ATF7IP: variants seen among roughly 807,000 people sequenced by gnomAD.
ATF7IP encodes the protein activating transcription factor 7 interacting protein, also known as activating transcription factor 7-interacting protein 1.
ATF7IP carries 23 observed loss-of-function variants against 106.4 expected under a neutral mutation model. The observed-to-expected ratio is 0.22, with a 90% confidence interval of 0.16 to 0.31. ATF7IP has a LOEUF of 0.31. Ranked by LOEUF, ATF7IP falls within the 10% of genes least tolerant of loss-of-function variation. The probability of loss-of-function intolerance (pLI) is 1.00; values close to 1 mark genes in which losing one functional copy is unlikely to be tolerated. For missense variants in ATF7IP, 1,334 were observed against 1,524.3 expected, an observed-to-expected ratio of 0.88 and a Z score of 2.08; for synonymous variants, 542 against 539.0, an observed-to-expected ratio of 1.01 and a Z score of -0.08.
chr12:14,416,049 T>A (rs921773712), intron 1 of ATF7IP, among the ~76,000 whole-genome samples: 1 of 152,142 alleles, frequency 6.6e-6, no homozygotes, highest in Non-Finnish European at 1.5e-5. Flanking sequence ...ACAGATTCAG[T>A]AGTCTATTTA....
rs149615634 is a variant in ATF7IP at position 14,497,823 on chromosome 12, G to A, written c.3563G>A (p.Arg1188Gln). The A allele has an allele frequency of 4.5e-5, 72 of 1,613,982 alleles. No homozygotes were observed. Among genetic ancestry groups the A allele is most frequent in the Non-Finnish European group, 5.5e-5 (65 of 1,180,024 alleles). ...VLSWSVLEVDRSCATVDSYHL... is the reference protein window; with the variant it reads ...VLSWSVLEVDQSCATVDSYHL... ...TCATGGAGTGTCCTGGAGGTGGATC[G>A]AAGCTGTGCCACTGTTGATAGCTAC... Residue 1188 changes from arginine to glutamine, a missense_variant, in exon 15 of 15, where the codon CGA (arginine) becomes CAA (glutamine). Arg to Gln is a conservative substitution (Grantham distance 43). Coordinates refer to ENST00000261168, the MANE Select transcript of ATF7IP (RefSeq NM_018179.5).
At chr12:14,475,198 A>G (rs1435365179) in intron 10 of ATF7IP, among the ~76,000 whole-genome samples, 6 of 152,202 alleles carry the variant, frequency 3.9e-5, no homozygotes, top group Non-Finnish European at 1.5e-5. Context: ...TCCTCACAAT[A>G]GCCTCAATAT....
intron 13 of ATF7IP, among the ~76,000 whole-genome samples, chr12:14,482,826 AAG>A (rs1944472560): frequency 6.6e-6 from 1 of 152,194 alleles, no homozygotes; most frequent in African/African-American, 2.4e-5. Flanking sequence ...TCTTCAAATA[AAG>A]AGAGTAATAA....
intron 13 of ATF7IP, among the ~76,000 whole-genome samples, chr12:14,486,483 T>C (rs571756389): frequency 1.7e-4 from 26 of 152,302 alleles, no homozygotes; most frequent in African/African-American, 5.8e-4. Context: ...GGGTTCTTGG[T>C]CTGTAAACTG....
At chr12:14,456,323 T>TTA (rs1943422440) in intron 6 of ATF7IP, among the ~76,000 whole-genome samples, 2 of 152,230 alleles carry the variant, frequency 1.3e-5, no homozygotes, top group Non-Finnish European at 2.9e-5. Context: ...GCAGGAATTA[T>TTA]TATATTAATC....
intron 1 of ATF7IP, chr12:14,367,240 A>G (rs1938344120): frequency 6.6e-6 from 1 of 152,156 alleles, no homozygotes; most frequent in South Asian, 2.1e-4. Context: ...AATTTAGGGA[A>G]ATTTTTATTG....
At chr12:14,427,999 C>A (rs1437272273) in intron 2 of ATF7IP, among the ~76,000 whole-genome samples, 1 of 152,024 alleles carries the variant, frequency 6.6e-6, no homozygotes. Flanking sequence ...TAAAGAACTT[C>A]AAGCAGAGAG....
chr12:14,425,521 A>G (rs745894387), intron 2 of ATF7IP, 48 bp downstream of exon 2: 7 of 1,467,030 alleles, frequency 4.8e-6, no homozygotes, highest in African/African-American at 1.4e-5. Context: ...ACTTTGATGA[A>G]CTGTTTAATA....
chr12:14,446,580 T>C (rs777609975), intron 5 of ATF7IP, among the ~76,000 whole-genome samples: 1 of 152,234 alleles, frequency 6.6e-6, no homozygotes, highest in African/African-American at 2.4e-5. Context: ...CATCCATATG[T>C]AGTATTGGCA....
intron 1 of ATF7IP, among the ~76,000 whole-genome samples, chr12:14,403,627 A>G (rs928640603): frequency 4.6e-5 from 7 of 152,240 alleles, no homozygotes; most frequent in African/African-American, 1.7e-4. Flanking sequence ...AAAATTTAGA[A>G]GAGAAATATG....
intron 1 of ATF7IP, among the ~76,000 whole-genome samples, chr12:14,423,576 T>C (rs1325102037): frequency 1.5e-4 from 20 of 133,284 alleles, no homozygotes; most frequent in African/African-American, 5.7e-4. Flanking sequence ...TTCAGGTACT[T>C]TTTTTTTTTT....
intron 1 of ATF7IP, among the ~76,000 whole-genome samples, chr12:14,397,163 T>TA (rs1241717757): frequency 2.0e-5 from 3 of 151,758 alleles, no homozygotes; most frequent in Non-Finnish European, 2.9e-5. Context: ...ACTCCGTCTC[T>TA]AAAAAAGAAA....
intron 11 of ATF7IP, among the ~76,000 whole-genome samples, chr12:14,476,805 C>T (rs555314092): frequency 1.9e-4 from 29 of 152,138 alleles, no homozygotes; most frequent in East Asian, 1.7e-3. Flanking sequence ...TTTCTAAAAA[C>T]GTTCACATCC....
chr12:14,459,819 A>G (rs534399564), intron 8 of ATF7IP, among the ~76,000 whole-genome samples: 28 of 152,356 alleles, frequency 1.8e-4, no homozygotes, highest in African/African-American at 6.5e-4. Context: ...TTATAAAACT[A>G]GTGACCAGCA....
intron 13 of ATF7IP, among the ~76,000 whole-genome samples, chr12:14,493,505 T>C (rs181480296): frequency 1.8e-4 from 28 of 152,290 alleles, no homozygotes; most frequent in African/African-American, 6.0e-4. Context: ...GCTTTATTTC[T>C]TCAGACAAAG....
intron 1 of ATF7IP, among the ~76,000 whole-genome samples, chr12:14,377,715 G>C (rs973423324): frequency 6.6e-6 from 1 of 151,794 alleles, no homozygotes. Flanking sequence ...CTGAGTTCAA[G>C]TGATTCTCCT....
intron 1 of ATF7IP, among the ~76,000 whole-genome samples, chr12:14,374,112 A>G (rs940421672): frequency 1.4e-5 from 2 of 145,724 alleles, no homozygotes; most frequent in African/African-American, 2.5e-5. Flanking sequence ...TTTTTTTTTA[A>G]TTGAGACTAG....
At chr12:14,419,753 AAATTTTGTAT>A (rs1397356740) in intron 1 of ATF7IP, among the ~76,000 whole-genome samples, 1 of 152,184 alleles carries the variant, frequency 6.6e-6, no homozygotes, top group African/African-American at 2.4e-5. Context: ...TATATTATAC[AAATTTTGTAT>A]AATTTTGTAT....
chr12:14,423,732 T>C (rs1941668738), intron 1 of ATF7IP, 177 bp from the exon 2 acceptor site: 8 of 643,872 alleles, frequency 1.2e-5, no homozygotes, highest in Non-Finnish European at 1.9e-5. Context: ...TTTGATTTTG[T>C]ATTACACAGA....
Sources: gnomAD v4.1 joint callset for allele counts (sites outside exome capture counted in the v4.1 genomes callset) on GRCh38, gnomAD v4.1.1 for gene constraint, MANE v1.5 for transcripts, NCBI Gene and HGNC (gene_info 2026-07-23, HGNC 2026-07-21) for gene names.